Variants in APC observed in about 807,000 individuals in gnomAD.
The protein encoded by APC is adenomatous polyposis coli protein.
APC carries 72 observed loss-of-function variants against 247.0 expected under a neutral mutation model. The ratio of observed to expected loss-of-function variants is 0.29; its 90% CI spans 0.24 to 0.35. APC has a LOEUF of 0.35. Among genes scored for constraint, APC ranks in the 10% least tolerant of loss-of-function variants. The pLI is 1.00. For missense variants in APC, 3,400 were observed against 3,360.7 expected (o/e 1.01, Z -0.29); for synonymous variants, 1,254 against 1,162.5 (o/e 1.08, Z -1.60).
At chr5:112,747,235 T>C (rs889388931) in intron 1 of APC, among the ~76,000 whole-genome samples, 2 of 104,422 alleles carry the variant, frequency 1.9e-5, no homozygotes, top group Non-Finnish European at 4.1e-5. Context: ...TAGGACCTTT[T>C]TCTTGAGGGG....
intron 4 of APC, among the ~76,000 whole-genome samples, chr5:112,769,777 G>A (rs2149797547): frequency 6.6e-6 from 1 of 152,264 alleles, no homozygotes; most frequent in African/African-American, 2.4e-5. Context: ...ATCTCCCTGA[G>A]AGGCAGAAGA....
rs1343625030 is a variant in APC at position 112,844,616 on chromosome 5, G to A, written c.*490G>A. The stretch of plus-strand genomic sequence containing the variant: ...TGAAATTCACAGTAATATGGTTCCC[G>A]ATGAACAAGTTTACCCAGCCTGCTT... On this transcript the variant is annotated 3_prime_UTR_variant, in exon 16 of 16. Transcript: ENST00000257430. 3.4e-5 allele frequency: 8 copies of A among 234,026 alleles called. No homozygotes were observed. The highest frequency in any genetic ancestry group is 4.4e-5 in the African/African-American group (2 of 45,226). The allele number at this position is 234,026 out of a possible 1,614,324, so 14.5% of individuals were successfully genotyped here.
intron 8 of APC, among the ~76,000 whole-genome samples, chr5:112,803,826 A>G (rs1015264070): frequency 7.2e-5 from 11 of 152,176 alleles, no homozygotes; most frequent in African/African-American, 1.2e-4. Context: ...TTAGCCTTCA[A>G]TTGTTGCCTT....
chr5:112,722,105 A>G (rs919139431), intron 1 of APC, among the ~76,000 whole-genome samples: 1 of 152,228 alleles, frequency 6.6e-6, no homozygotes, highest in African/African-American at 2.4e-5. Flanking sequence ...TCTGATTTCA[A>G]CTAAGATAAA....
In APC at chr5:112,837,661, A is replaced by C. The variant is rs1202813516; in HGVS notation, c.2067A>C (p.Ala689=). ...GTGGAACTTTGTGGAATCTCTCAGC[A>C]AGAAATCCTAAAGACCAGGAAGCAT... ...NACGTLWNLS[A]RNPKDQEALW... is the part of the protein sequence containing the mutation. The change falls in exon 16 of 16, where the codon GCA becomes GCC. Residue 689 remains alanine (A), a synonymous_variant. Transcript: ENST00000257430. 6.2e-7 allele frequency: 1 copy of C among 1,613,988 alleles called. No individual in the cohort carries two copies. The highest frequency in any genetic ancestry group is 8.5e-7 in the Non-Finnish European group (1 of 1,179,872).
At chr5:112,757,287 T>C (rs1408418577) in intron 2 of APC, among the ~76,000 whole-genome samples, 1 of 152,200 alleles carries the variant, frequency 6.6e-6, no homozygotes, top group Non-Finnish European at 1.5e-5. Flanking sequence ...TATTGTTTTG[T>C]GTAGACACTT....
intron 7 of APC, among the ~76,000 whole-genome samples, chr5:112,795,465 C>A (rs1410168484): frequency 6.6e-6 from 1 of 152,228 alleles, no homozygotes; most frequent in African/African-American, 2.4e-5. Context: ...TTTCCAGCCT[C>A]CTTCTCTTCC....
intron 1 of APC, among the ~76,000 whole-genome samples, chr5:112,712,706 A>G (rs544729948): frequency 8.5e-5 from 13 of 152,058 alleles, no homozygotes; most frequent in African/African-American, 2.4e-5. Flanking sequence ...GCGCGTTTGT[A>G]TTCCTCTTCC....
chr5:112,760,035 T>A (rs969942152), intron 2 of APC, among the ~76,000 whole-genome samples: 1 of 152,184 alleles, frequency 6.6e-6, no homozygotes, highest in African/African-American at 2.4e-5. Context: ...AAGCTCTTTA[T>A]TAACTATAAT....
At chr5:112,776,977 G>A (rs1757730887) in intron 5 of APC, among the ~76,000 whole-genome samples, 1 of 152,166 alleles carries the variant, frequency 6.6e-6, no homozygotes, top group Non-Finnish European at 1.5e-5. Flanking sequence ...GATGTTGCTA[G>A]CAATGGTAAC....
intron 14 of APC, among the ~76,000 whole-genome samples, chr5:112,830,938 A>C (rs1391606276): frequency 6.6e-6 from 1 of 152,154 alleles, no homozygotes. Flanking sequence ...ACTGTTCTTC[A>C]ATTATATTTC....
chr5:112,813,434 A>T (rs1397557404), intron 8 of APC, among the ~76,000 whole-genome samples: 1 of 152,156 alleles, frequency 6.6e-6, no homozygotes, highest in Non-Finnish European at 1.5e-5. Context: ...AAACAAATTT[A>T]TAACAAATTT....
chr5:112,763,241 TA>T (rs1755866876), intron 2 of APC, among the ~76,000 whole-genome samples: 1 of 151,912 alleles, frequency 6.6e-6, no homozygotes, highest in Non-Finnish European at 1.5e-5. Flanking sequence ...CAAAATCAAC[TA>T]TTTTTTTTTA....
In APC at chr5:112,842,737, A is replaced by C. The variant is rs756153152; in HGVS notation, c.7143A>C (p.Gln2381His). ...TGAGCCAACAGAACCTTACCAAACA[A>C]ACAGGTTTATCCAAGAATGCCAGTA... ...RQMSQQNLTK[Q>H]TGLSKNASSI... Residue 2381 changes from glutamine to histidine, a missense_variant, in exon 16 of 16, where the codon CAA becomes CAC. This residue lies in a region of APC where 1,788 missense variants were observed against 1,649.5 expected (regional missense o/e 1.08). Transcript: ENST00000257430. The C allele has an allele frequency of 4.3e-6, 7 of 1,613,838 alleles. No individual in the cohort carries two copies. The Admixed American group carries it at 1.0e-4, about 23-fold the overall frequency.
intron 6 of APC, among the ~76,000 whole-genome samples, chr5:112,784,406 C>T (rs866984211): frequency 2.0e-5 from 3 of 152,160 alleles, no homozygotes; most frequent in African/African-American, 4.8e-5. Flanking sequence ...TAAATTGATA[C>T]ATTTTTGGAG....
chr5:112,780,776 A>T lies in APC; in HGVS notation c.532-14A>T, dbSNP rs375254915. ...TACAAGATATTGATACTTTTTTATT[A>T]TTTGTGGTTTTAGTTTTCCTTACAA... On this transcript the variant is annotated splice_polypyrimidine_tract_variant and intron_variant, in intron 5 of 15. Transcript: ENST00000257430. 4 of 1,550,108 alleles carry T rather than the reference A, an allele frequency of 2.6e-6. No homozygotes were observed. Among genetic ancestry groups the T allele is most frequent in the African/African-American group, 1.4e-5 (1 of 73,048 alleles).
At chr5:112,740,516 T>G (rs1372276478) in intron 1 of APC, among the ~76,000 whole-genome samples, 38 of 136,622 alleles carry the variant, frequency 2.8e-4, no homozygotes, top group African/African-American at 8.7e-4. Context: ...TTTTTTGTGT[T>G]TTTTTTTCTT....
At chr5:112,828,792 A>T in intron 13 of APC, 64 bp from the exon 14 acceptor site, 1 of 1,212,682 alleles carries the variant, frequency 8.2e-7, no homozygotes, top group Non-Finnish European at 1.2e-6. Context: ...TGCTAGCATT[A>T]AAAACAAAAA....
chr5:112,743,249 G>T (rs1217487020), intron 1 of APC, among the ~76,000 whole-genome samples: 2 of 152,098 alleles, frequency 1.3e-5, no homozygotes, highest in African/African-American at 2.4e-5. Flanking sequence ...GAACCTTTGT[G>T]ATTACATTGG....
Sources: gnomAD v4.1 joint callset for allele counts (sites outside exome capture counted in the v4.1 genomes callset) on GRCh38, gnomAD v4.1.1 for gene constraint, gnomAD v4.1.1 regional missense constraint, MANE v1.5 for transcripts, NCBI Gene and HGNC (gene_info 2026-07-23, HGNC 2026-07-21) for gene names.